The following CD226 variants were observed in gnomAD, a reference collection of about 807,000 sequenced individuals.
The protein encoded by CD226 is CD226 molecule.
CD226 carries 24 observed loss-of-function variants against 34.9 expected under a neutral mutation model. The observed-to-expected ratio is 0.69, with a 90% CI of 0.50 to 0.97. CD226 has a LOEUF of 0.97. Ranked by LOEUF, CD226 falls within the 50% of genes least tolerant of loss-of-function variation. The probability of loss-of-function intolerance (pLI) is 0.00; values close to 1 mark genes in which losing one functional copy is unlikely to be tolerated. For synonymous variants in CD226, 148 were observed against 147.4 expected, an observed-to-expected ratio of 1.00 and a Z score of -0.03; for missense variants, 397 against 412.7, an observed-to-expected ratio of 0.96 and a Z score of 0.33.
chr18:69,886,722 T>A lies in CD226; in HGVS notation c.727+8979A>T, dbSNP rs188604555. Among the ~76,000 whole-genome samples, 694 of 151,308 alleles carry A rather than the reference T, an allele frequency of 4.6e-3. 11 individuals are homozygous for A. Among genetic ancestry groups the A allele is most frequent in the African/African-American group, 0.016 (666 of 41,300 alleles). On this transcript the variant is annotated intron_variant, in intron 3 of 5. Coordinates refer to ENST00000582621, the MANE Select transcript of CD226 (RefSeq NM_001303618.2). Reference sequence around the variant, plus strand: ...ACCTGTCTCAAAAAAAAAATAAAAATAAAAATAAAAGTAAAAATAATTTTT... The same window carrying A: ...ACCTGTCTCAAAAAAAAAATAAAAAAAAAAATAAAAGTAAAAATAATTTTT...
chr18:69,861,716 G>A lies in CD226; in HGVS notation c.*2598C>T, dbSNP rs1362545047. 2 of 151,628 alleles carry A rather than the reference G, an allele frequency of 1.3e-5. No individual in the cohort carries two copies. Among genetic ancestry groups the A allele is most frequent in the African/African-American group, 2.4e-5 (1 of 41,316 alleles). 9.4% of individuals were successfully genotyped at this position (151,628 alleles called of 1,614,324 possible). On this transcript the variant is annotated 3_prime_UTR_variant, in exon 6 of 6. Coordinates refer to ENST00000582621, the MANE Select transcript of CD226 (RefSeq NM_001303618.2). Reference sequence around the variant, plus strand: ...TTCTTAGTAACAATCAGAATCATAGGTGCAAAAGAGTAGAGGGGGAGAAAC... The same window carrying A: ...TTCTTAGTAACAATCAGAATCATAGATGCAAAAGAGTAGAGGGGGAGAAAC...
intron 3 of CD226, among the ~76,000 whole-genome samples, chr18:69,889,085 G>A (rs1984731902): frequency 6.6e-6 from 1 of 151,966 alleles, no homozygotes. Context: ...CAACAGTAAA[G>A]TAAAGATTCA....
chr18:69,953,565 T>G (rs1233182965), intron 1 of CD226, among the ~76,000 whole-genome samples: 3 of 152,230 alleles, frequency 2.0e-5, no homozygotes, highest in Admixed American at 6.5e-5. Flanking sequence ...ATTGATTGAC[T>G]GTTGGAAGGA....
At chr18:69,868,320 T>C (rs981452010) in intron 4 of CD226, among the ~76,000 whole-genome samples, 3 of 152,208 alleles carry the variant, frequency 2.0e-5, no homozygotes, top group African/African-American at 7.2e-5. Context: ...AGAAATGTAA[T>C]GTTTTGGGAG....
At chr18:69,943,839 T>A (rs1006027200) in intron 2 of CD226, among the ~76,000 whole-genome samples, 1 of 152,168 alleles carries the variant, frequency 6.6e-6, no homozygotes, top group East Asian at 1.9e-4. Context: ...CCAGACTATG[T>A]AAAATTCCGC....
Position 69,861,554 on chromosome 18 carries a change from G to GTATGTA in CD226, c.*2759_*2760insTACATA, listed in dbSNP as rs1555675806. 2 of 127,948 alleles carry GTATGTA rather than the reference G, an allele frequency of 1.6e-5. No individual in the cohort carries two copies. The highest frequency in any genetic ancestry group is 2.8e-5 in the African/African-American group (1 of 36,322). 7.9% of individuals were successfully genotyped at this position (127,948 alleles called of 1,614,324 possible). A position where few individuals can be genotyped will look rare whatever the true frequency, so the allele number is the denominator to read the frequency against. On this transcript the variant is annotated 3_prime_UTR_variant, in exon 6 of 6. Transcript: ENST00000582621. Reference sequence around the variant, plus strand: ...ATAAATTATATGTGTATATATATATGTATATATATATATATATATGTAAAA... The same window carrying GTATGTA: ...ATAAATTATATGTGTATATATATATGTATGTATATATATATATATATATATGTAAAA...
chr18:69,892,428 C>A (rs573828406), intron 3 of CD226, among the ~76,000 whole-genome samples: 101 of 152,240 alleles, frequency 6.6e-4, no homozygotes, highest in African/African-American at 1.7e-3. Context: ...AACAGACATT[C>A]CCCTGTGCTC....
chr18:69,880,357 A>AAAGGAAGGAAGGAAGG (rs74177539), intron 3 of CD226, among the ~76,000 whole-genome samples: 11 of 89,530 alleles, frequency 1.2e-4, no homozygotes, highest in Non-Finnish European at 1.9e-4. Context: ...AGAAAGAAAG[A>AAAGGAAGGAAGGAAGG]AAGGAAGGAA....
intron 5 of CD226, among the ~76,000 whole-genome samples, chr18:69,865,068 C>T (rs1215544137): frequency 6.6e-6 from 1 of 152,164 alleles, no homozygotes; most frequent in Non-Finnish European, 1.5e-5. Flanking sequence ...TCTAGGCTCA[C>T]TGCAACCCCC....
intron 3 of CD226, among the ~76,000 whole-genome samples, chr18:69,885,944 T>C (rs949522484): frequency 8.3e-6 from 1 of 119,910 alleles, no homozygotes; most frequent in Non-Finnish European, 2.0e-5. Context: ...CCGACTCCTT[T>C]GCCTAAACTT....
At chr18:69,917,637 A>G (rs2055401651) in intron 2 of CD226, among the ~76,000 whole-genome samples, 1 of 152,230 alleles carries the variant, frequency 6.6e-6, no homozygotes, top group African/African-American at 2.4e-5. Context: ...TTAGTGAGTT[A>G]GCGCTGTCAG....
chr18:69,937,708 C>T (rs57602999), intron 2 of CD226, among the ~76,000 whole-genome samples: 2,414 of 152,152 alleles, frequency 0.016, 40 homozygotes, highest in African/African-American at 0.036. Flanking sequence ...TTTATAAAAG[C>T]CAGATTTGAG....
upstream of CD226, among the ~76,000 whole-genome samples, chr18:69,948,899 G>A (rs1372768547): frequency 1.3e-5 from 2 of 152,152 alleles, no homozygotes; most frequent in African/African-American, 2.4e-5. Flanking sequence ...GCAATTTATT[G>A]TAGCAAAACA....
chr18:69,920,184 G>A (rs932497679), intron 2 of CD226, among the ~76,000 whole-genome samples: 2 of 152,038 alleles, frequency 1.3e-5, no homozygotes, highest in African/African-American at 4.8e-5. Flanking sequence ...TCTCTACACA[G>A]GCTCAAACCC....
upstream of CD226, among the ~76,000 whole-genome samples, chr18:69,951,748 C>T (rs1048149313): frequency 1.3e-5 from 2 of 151,936 alleles, no homozygotes; most frequent in Non-Finnish European, 2.9e-5. Flanking sequence ...GACAAATAGA[C>T]CAAGGAAATT....
Position 69,864,329 on chromosome 18 carries a change from T to C in CD226, c.996A>G (p.Pro332=). The change falls in exon 6 of 6, where the codon CCA becomes CCG. Residue 332 remains proline, a synonymous_variant. Coordinates refer to ENST00000582621, the MANE Select transcript of CD226 (RefSeq NM_001303618.2). ...AAGAATAAGCTTAAACTCTAGTCTT[T>C]GGTCTGCGAGAGAAGGTTGGATAGT... ...YVNYPTFSRR[P]KTRV is the part of the protein sequence containing the mutation. 3.1e-6 allele frequency: 5 copies of C among 1,613,880 alleles called. No individual in the cohort carries two copies. Among genetic ancestry groups the C allele is most frequent in the Non-Finnish European group, 4.2e-6 (5 of 1,179,864 alleles).
rs62090793 is a variant in CD226, at chr18:69,871,111, C to T, written c.830+2033G>A. On this transcript the variant is annotated intron_variant, in intron 4 of 5. Coordinates refer to ENST00000582621, the MANE Select transcript of CD226 (RefSeq NM_001303618.2). Reference sequence around the variant, plus strand: ...AGCAAAATTTTTCATGAAGCAAAATCTATCATGTCCAACATCTGTGACCCT... The same window carrying T: ...AGCAAAATTTTTCATGAAGCAAAATTTATCATGTCCAACATCTGTGACCCT... 9.3e-3 allele frequency among the ~76,000 whole-genome samples: 1,420 copies of T among 152,272 alleles called. 10 individuals carry two copies. Among genetic ancestry groups the T allele is most frequent in the South Asian group, 0.018 (87 of 4,822 alleles).
chr18:69,866,118 G>A (rs193178226), intron 5 of CD226, among the ~76,000 whole-genome samples: 38 of 152,304 alleles, frequency 2.5e-4, no homozygotes, highest in Admixed American at 2.4e-3. Context: ...GAAAGAGGAA[G>A]CAAGCTCTTC....
chr18:69,936,136 C>G (rs142769375), intron 2 of CD226, among the ~76,000 whole-genome samples: 2 of 152,306 alleles, frequency 1.3e-5, no homozygotes, highest in Non-Finnish European at 2.9e-5. Flanking sequence ...CGTGCCTGTA[C>G]GTGAATTCCA....
Sources: gnomAD v4.1 joint callset for allele counts (sites outside exome capture counted in the v4.1 genomes callset) on GRCh38, gnomAD v4.1.1 for gene constraint, MANE v1.5 for transcripts, NCBI Gene and HGNC (gene_info 2026-07-23, HGNC 2026-07-21) for gene names.